Variants in OTOF observed in about 807,000 individuals in gnomAD.
The protein encoded by OTOF is fer-1-like family member 2.
OTOF carries 218 observed loss-of-function variants against 236.8 expected under a neutral mutation model. That is an observed-to-expected ratio of 0.92 (90% confidence interval 0.82 to 1.03). The LOEUF (loss-of-function observed/expected upper bound fraction) is 1.03, where lower values mean the gene tolerates loss of function less well. Ranked by LOEUF, OTOF falls within the 50% of genes least tolerant of loss-of-function variation. The pLI is 0.00. For synonymous variants in OTOF, 1,041 were observed against 1,072.5 expected, an observed-to-expected ratio of 0.97 and a Z score of 0.57; for missense variants, 2,590 against 2,694.4, an observed-to-expected ratio of 0.96 and a Z score of 0.86.
chr2:26,533,633 C>T (rs1667001644), intron 2 of OTOF, among the ~76,000 whole-genome samples: 1 of 152,062 alleles, frequency 6.6e-6, no homozygotes, highest in African/African-American at 2.4e-5. Context: ...TCTAAAGTCC[C>T]TTTAGGTGAT....
At position 26,473,074 on chromosome 2, in the gene OTOF, G is replaced by A. The variant is rs1665071283; in HGVS notation, c.3733+58C>T. On this transcript the variant is annotated intron_variant, in intron 29 of 46. Coordinates refer to ENST00000272371, the MANE Select transcript of OTOF (RefSeq NM_194248.3). This position sits in a 1 kb window ranked among gnomAD's most constrained non-coding sequence, Gnocchi z 7.2. The stretch of plus-strand genomic sequence containing the variant: ...GCGGCTTGGACTGGGCGGAGACCTG[G>A]AGCCCTTCCCTGGGGGGCGTGGAGC... 6.4e-7 allele frequency: 1 copy of A among 1,551,782 alleles called. No homozygotes were observed. The highest frequency in any genetic ancestry group is 8.8e-7 in the Non-Finnish European group (1 of 1,133,570).
intron 8 of OTOF, among the ~76,000 whole-genome samples, chr2:26,501,293 A>T (rs1666110291): frequency 6.6e-6 from 1 of 152,260 alleles, no homozygotes; most frequent in South Asian, 2.1e-4. Flanking sequence ...AAAAAGAAGA[A>T]AAAAATCACT....
Position 26,457,862 on chromosome 2 carries a change from A to G in OTOF, c.*376T>C, listed in dbSNP as rs529852505. ...GGGGTCAGAGGGGCGGGACTGGGCA[A>G]GCCGCAGCCTGGGGCAGTGAGGACA... is the stretch of plus-strand genomic sequence containing the variant. On this transcript the variant is annotated 3_prime_UTR_variant, in exon 47 of 47. Transcript: ENST00000272371. The surrounding 1 kb of genome is among the most constrained non-coding windows in gnomAD (Gnocchi z 4.4). 2 of 654,610 alleles carry G rather than the reference A, an allele frequency of 3.1e-6. No individual in the cohort carries two copies. Among genetic ancestry groups the G allele is most frequent in the East Asian group, 2.7e-5 (1 of 37,730 alleles). The allele number at this position is 654,610 out of a possible 1,614,324, so 40.6% of individuals were successfully genotyped here.
At chr2:26,536,055 G>A (rs1032917925) in intron 2 of OTOF, among the ~76,000 whole-genome samples, 6 of 152,190 alleles carry the variant, frequency 3.9e-5, no homozygotes, top group African/African-American at 1.4e-4. Flanking sequence ...GAAGCCCAGG[G>A]AGGTAGGACT....
chr2:26,481,069 G>A (rs950729320), intron 14 of OTOF, 60 bp from the exon 15 acceptor site: 2 of 1,336,358 alleles, frequency 1.5e-6, no homozygotes, highest in South Asian at 1.2e-5. Context: ...CTGGGGAAGA[G>A]GGGCCTCTTT....
At chr2:26,474,408 G>A in intron 26 of OTOF, 105 bp downstream of exon 26, 1 of 416,860 alleles carries the variant, frequency 2.4e-6, no homozygotes. Flanking sequence ...CCACCCCCAG[G>A]CCCCAGACCC....
intron 46 of OTOF, 37 bp from the exon 47 acceptor site, chr2:26,458,257 G>A (rs1473958137): frequency 9.7e-6 from 15 of 1,549,878 alleles, no homozygotes; most frequent in Non-Finnish European, 1.3e-5. Context: ...CAGCCAGTGG[G>A]CAGGAGCTGC....
At chr2:26,503,647 G>T in intron 6 of OTOF, 125 bp downstream of exon 6, 6 of 825,000 alleles carry the variant, frequency 7.3e-6, no homozygotes, top group Non-Finnish European at 1.3e-5. Flanking sequence ...CGCATCACTG[G>T]GTGGGGCCTG....
chr2:26,545,359 T>C (rs2148130327), intron 1 of OTOF, among the ~76,000 whole-genome samples: 1 of 152,360 alleles, frequency 6.6e-6, no homozygotes, highest in South Asian at 2.1e-4. Flanking sequence ...TCATAATTTG[T>C]CTTATTATTA....
Position 26,480,912 on chromosome 2 carries a change from C to G in OTOF, c.1677G>C (p.Leu559=). Residue 559 remains leucine (L), a synonymous_variant, in exon 15 of 47, where the codon CTG becomes CTC. Transcript: ENST00000272371. The part of the protein sequence containing the change: ...LDEHQDLNEG[L]GEGVSFRARL... ...GGGCCCGGAAGGACACACCCTCCCC[C>G]AGGCCCTCGTTCAGGTCCTGATGCT... The G allele has an allele frequency of 6.2e-7, 1 of 1,613,036 alleles. No individual in the cohort carries two copies. The highest frequency in any genetic ancestry group is 8.5e-7 in the Non-Finnish European group (1 of 1,179,986).
In OTOF at chr2:26,464,040, C is replaced by G. The variant is rs143889717; in HGVS notation, c.5027G>C (p.Arg1676Pro). The G allele has an allele frequency of 1.9e-6, 3 of 1,613,710 alleles. No homozygotes were observed. In the Admixed American group the frequency reaches 5.0e-5, roughly 27 times the overall value. ...LALRHWEDIP[R>P]AGCRLVPEHV... ...CTCTGGCACCAGGCGGCAGCCTGCG[C>G]GGGGGATGTCCTCCCAGTGCCTCAG... is the stretch of plus-strand genomic sequence containing the variant. The change falls in exon 40 of 47, where the codon CGC (arginine) becomes CCC (proline). Residue 1676 changes from arginine to proline, a missense_variant. Physicochemically the swap from Arg to Pro is moderately radical, Grantham distance 103 (BLOSUM62 -2). Coordinates refer to ENST00000272371, the MANE Select transcript of OTOF (RefSeq NM_194248.3).
chr2:26,468,238 G>C (rs1664824739), intron 33 of OTOF, among the ~76,000 whole-genome samples, 170 bp downstream of exon 33: 1 of 152,194 alleles, frequency 6.6e-6, no homozygotes, highest in Non-Finnish European at 1.5e-5. Context: ...CCCTGGACAA[G>C]GGCCTTAGCC....
intron 1 of OTOF, among the ~76,000 whole-genome samples, chr2:26,545,658 C>A (rs1481459385): frequency 6.6e-6 from 1 of 152,092 alleles, no homozygotes. Flanking sequence ...TCTATATTTT[C>A]TTCTAGAAGC....
rs532093816 is a variant in OTOF at position 26,476,844 on chromosome 2, TC to T, written c.2676+46del. The T allele has an allele frequency of 7.3e-5, 114 of 1,565,270 alleles. No individual in the cohort carries two copies. The African/African-American group carries it at 1.4e-3, about 19-fold the overall frequency. On this transcript the variant is annotated intron_variant, in intron 22 of 46. Transcript: ENST00000272371. ...TCCAGCCCCAGGTGGGGGCTGCTGCTCCCCTGAAAGGACCCAGGCCCCCATC... is the reference window on the plus strand; with the variant it reads ...TCCAGCCCCAGGTGGGGGCTGCTGCTCCCTGAAAGGACCCAGGCCCCCATC...
chr2:26,463,345 G>A (rs1439562641), intron 41 of OTOF, 138 bp downstream of exon 41: 2 of 750,820 alleles, frequency 2.7e-6, no homozygotes, highest in African/African-American at 3.5e-5. Context: ...ATAAGGCCCA[G>A]TGGCCACACC....
chr2:26,551,175 A>G (rs1171531296), intron 1 of OTOF, among the ~76,000 whole-genome samples: 1 of 152,070 alleles, frequency 6.6e-6, no homozygotes, highest in Non-Finnish European at 1.5e-5. Context: ...TTTTTAGTAG[A>G]GATGTGGTTT....
At chr2:26,509,050 C>T (rs1419842634) in intron 5 of OTOF, among the ~76,000 whole-genome samples, 2 of 152,160 alleles carry the variant, frequency 1.3e-5, no homozygotes, top group Non-Finnish European at 2.9e-5. Context: ...CTGTGAGGTA[C>T]CTCTTACTCC....
chr2:26,472,388 C>T (rs562296538), intron 30 of OTOF, 131 bp downstream of exon 30: 17 of 1,153,680 alleles, frequency 1.5e-5, no homozygotes, highest in South Asian at 8.7e-5. Flanking sequence ...TCAAGCTCAG[C>T]CCCCGACAGT....
intron 4 of OTOF, 34 bp from the exon 5 acceptor site, chr2:26,516,633 A>C: frequency 6.3e-7 from 1 of 1,597,148 alleles, no homozygotes; most frequent in Non-Finnish European, 8.5e-7. Context: ...AGCAGCTGGG[A>C]TGGTGACAGC....
Sources: allele counts gnomAD v4.1 joint callset (sites outside exome capture counted in the v4.1 genomes callset), GRCh38; gene constraint gnomAD v4.1.1; non-coding constraint Gnocchi (gnomAD v3.1); transcripts MANE v1.5; gene names NCBI Gene and HGNC (gene_info 2026-07-23, HGNC 2026-07-21).